DERA: variants seen among roughly 807,000 people sequenced by gnomAD.
The protein encoded by DERA is deoxyribose-phosphate aldolase, also known as 2-deoxy-D-ribose 5-phosphate aldolase.
A neutral mutation model predicts 41.1 loss-of-function variants in DERA; 15 were observed. The observed-to-expected ratio is 0.37, with a 90% CI of 0.24 to 0.56. The LOEUF is 0.56. DERA is among the 20% of genes least tolerant of loss of function. The pLI is 0.81. For missense variants in DERA, 396 were observed against 403.4 expected (o/e 0.98, Z 0.16); for synonymous variants, 139 against 137.4 (o/e 1.01, Z -0.08).
Position 15,911,600 on chromosome 12 carries a change from G to C in DERA, c.31+186G>C, listed in dbSNP as rs1291011414. 2 of 703,188 alleles carry C rather than the reference G, an allele frequency of 2.8e-6. No homozygotes were observed. The highest frequency in any genetic ancestry group is 5.1e-6 in the Non-Finnish European group (2 of 390,662). 43.6% of individuals were successfully genotyped at this position (703,188 alleles called of 1,614,324 possible). A position where few individuals can be genotyped will look rare whatever the true frequency, so the allele number is the denominator to read the frequency against. On this transcript the variant is annotated intron_variant, in intron 1 of 8. Transcript: ENST00000428559. The surrounding 1 kb of genome is among the most constrained non-coding windows in gnomAD (Gnocchi z 4.5). Reference sequence around the variant, plus strand: ...AGGCCGAACCCGGCACGTTCGCGCCGCTTGTCTTTGCACCTAAGCTTTTAC... The same window carrying C: ...AGGCCGAACCCGGCACGTTCGCGCCCCTTGTCTTTGCACCTAAGCTTTTAC...
rs1948424508 is a variant in DERA, at chr12:15,943,688, C to CTTTTTTA, written c.32-13240_32-13234dup. 1.4e-5 allele frequency among the ~76,000 whole-genome samples: 2 copies of CTTTTTTA among 147,078 alleles called. No individual in the cohort carries two copies. The highest frequency in any genetic ancestry group is 5.0e-5 in the African/African-American group (2 of 39,656). ...TGACATTTTCTATTTTCTGTTTCTT[C>CTTTTTTA]TTTTTTATTTTTTAATTTTTATTTA... On this transcript the variant is annotated intron_variant, in intron 1 of 8. Coordinates refer to ENST00000428559, the MANE Select transcript of DERA (RefSeq NM_015954.4). The surrounding 1 kb of genome is among the most constrained non-coding windows in gnomAD (Gnocchi z 4.5).
In DERA at chr12:15,982,061, C is replaced by T. The variant is rs1017449721; in HGVS notation, c.509-247C>T. ...GCATGTCATTATGATATTTAAAAAG[C>T]TCTATGTCTCTGGACCTCAGGCCAG... On this transcript the variant is annotated intron_variant, in intron 5 of 8. Coordinates refer to ENST00000428559, the MANE Select transcript of DERA (RefSeq NM_015954.4). The surrounding 1 kb of genome is among the most constrained non-coding windows in gnomAD (Gnocchi z 4.0). Among the ~76,000 whole-genome samples the T allele has an allele frequency of 1.3e-5, 2 of 152,156 alleles. No homozygotes were observed. The highest frequency in any genetic ancestry group is 1.3e-4 in the Admixed American group (2 of 15,266).
intron 4 of DERA, among the ~76,000 whole-genome samples, chr12:15,962,028 G>A (rs1948591803): frequency 6.6e-6 from 1 of 152,260 alleles, no homozygotes; most frequent in Non-Finnish European, 1.5e-5. Flanking sequence ...ACAGGCAAGA[G>A]CCACTGTGCC....
intron 1 of DERA, among the ~76,000 whole-genome samples, chr12:15,949,665 G>A (rs542181326): frequency 3.9e-5 from 6 of 152,130 alleles, no homozygotes; most frequent in Admixed American, 6.5e-5. Context: ...GTGATGCCTC[G>A]CCCTGCTTCG....
chr12:15,911,359 C>A lies in DERA; in HGVS notation c.-25C>A. On this transcript the variant is annotated 5_prime_UTR_variant, in exon 1 of 9. Coordinates refer to ENST00000428559, the MANE Select transcript of DERA (RefSeq NM_015954.4). This position sits in a 1 kb window ranked among gnomAD's most constrained non-coding sequence, Gnocchi z 4.5. ...GGCGCAGAGGCGGGCGCCTACCAGC[C>A]GGCAGCTCCGGAGCTGCCCGCGCCA... 1 of 1,422,534 alleles carries A rather than the reference C, an allele frequency of 7.0e-7. No individual in the cohort carries two copies. The highest frequency in any genetic ancestry group is 1.5e-5 in the South Asian group (1 of 66,998). 88.1% of individuals were successfully genotyped at this position (1,422,534 alleles called of 1,614,324 possible).
At chr12:15,978,880 A>G (rs535751911) in intron 5 of DERA, among the ~76,000 whole-genome samples, 5 of 152,312 alleles carry the variant, frequency 3.3e-5, no homozygotes, top group African/African-American at 9.6e-5. Context: ...AATGTGCTGG[A>G]TATTGTCCTT....
At position 16,012,199 on chromosome 12, in the gene DERA, C is replaced by A. The variant is rs930263036; in HGVS notation, c.638-20343C>A. Among the ~76,000 whole-genome samples, 1 of 151,996 alleles carries A rather than the reference C, an allele frequency of 6.6e-6. No individual in the cohort carries two copies. The highest frequency in any genetic ancestry group is 2.4e-5 in the African/African-American group (1 of 41,388). On this transcript the variant is annotated intron_variant, in intron 6 of 8. Transcript: ENST00000428559. This position sits in a 1 kb window ranked among gnomAD's most constrained non-coding sequence, Gnocchi z 4.1. ...GGAAAGAGAGGAGTTGAGTTGAGCACAGAGATGTGATACAAGTCCTACACA... is the reference window on the plus strand; with the variant it reads ...GGAAAGAGAGGAGTTGAGTTGAGCAAAGAGATGTGATACAAGTCCTACACA...
chr12:16,032,811 C>T, intron 7 of DERA, 157 bp downstream of exon 7: 1 of 594,188 alleles, frequency 1.7e-6, no homozygotes, highest in East Asian at 3.0e-5. Context: ...AAAGAACACA[C>T]TGATGGAGAA....
chr12:15,917,398 G>A (rs372683520), intron 1 of DERA, among the ~76,000 whole-genome samples: 7 of 152,156 alleles, frequency 4.6e-5, no homozygotes, highest in Admixed American at 4.6e-4. Context: ...TTAAGTTAAT[G>A]TGGGTTTTAT....
At position 15,982,347 on chromosome 12, in the gene DERA, G is replaced by A. The variant is rs770817573; in HGVS notation, c.548G>A (p.Gly183Glu). Residue 183 changes from glycine (G) to glutamate (E), a missense_variant, in exon 6 of 9, where the codon GGG becomes GAG. Gly to Glu is a moderately conservative substitution (Grantham distance 98). Transcript: ENST00000428559. This position sits in a 1 kb window ranked among gnomAD's most constrained non-coding sequence, Gnocchi z 4.0. ...ATTCGTCAGTTTCGCAAGGCCTGTGGGGAGGCTCATCTTAAAACTATATTA... is the reference window on the plus strand; with the variant it reads ...ATTCGTCAGTTTCGCAAGGCCTGTGAGGAGGCTCATCTTAAAACTATATTA... Reference protein sequence around the residue: ...DEIRQFRKACGEAHLKTILAT... With the variant: ...DEIRQFRKACEEAHLKTILAT... 1.9e-6 allele frequency: 3 copies of A among 1,613,750 alleles called. No individual in the cohort carries two copies. The highest frequency in any genetic ancestry group is 2.5e-6 in the Non-Finnish European group (3 of 1,179,824).
rs539364152 is a variant in DERA, at chr12:15,999,681, T to C, written c.637+17245T>C. ...TGAAGCTAGTAAATAGCTTGGAGTTTAAGGCCATGCTAAGGAATTGAAGTT... is the reference window on the plus strand; with the variant it reads ...TGAAGCTAGTAAATAGCTTGGAGTTCAAGGCCATGCTAAGGAATTGAAGTT... On this transcript the variant is annotated intron_variant, in intron 6 of 8. Coordinates refer to ENST00000428559, the MANE Select transcript of DERA (RefSeq NM_015954.4). The surrounding 1 kb of genome is among the most constrained non-coding windows in gnomAD (Gnocchi z 5.3). Among the ~76,000 whole-genome samples the C allele has an allele frequency of 2.0e-5, 3 of 152,282 alleles. No homozygotes were observed. The highest frequency in any genetic ancestry group is 3.9e-4 in the East Asian group (2 of 5,170).
intron 1 of DERA, among the ~76,000 whole-genome samples, chr12:15,932,184 G>T (rs1948333363): frequency 6.6e-6 from 1 of 152,168 alleles, no homozygotes. Flanking sequence ...ATTTATCCAA[G>T]ATGTTAATTT....
chr12:16,007,134 T>G (rs1011044568), intron 6 of DERA, among the ~76,000 whole-genome samples: 1 of 152,108 alleles, frequency 6.6e-6, no homozygotes, highest in Non-Finnish European at 1.5e-5. Flanking sequence ...AACTTAGTTA[T>G]GTTCATTATA....
chr12:15,980,632 A>G (rs1375530695), intron 5 of DERA, among the ~76,000 whole-genome samples: 2 of 152,116 alleles, frequency 1.3e-5, no homozygotes, highest in African/African-American at 4.8e-5. Flanking sequence ...CTCCCAGGTT[A>G]GGTAGATGGG....
In DERA at chr12:15,931,974, C is replaced by T. The variant is rs1380128491; in HGVS notation, c.31+20560C>T. On this transcript the variant is annotated intron_variant, in intron 1 of 8. Coordinates refer to ENST00000428559, the MANE Select transcript of DERA (RefSeq NM_015954.4). The surrounding 1 kb of genome is among the most constrained non-coding windows in gnomAD (Gnocchi z 4.6). ...GCCATGTTATGACTCAGCAGAAAAG[C>T]CCTTACCAAAAGCCAGCACCACACT... 1.3e-5 allele frequency among the ~76,000 whole-genome samples: 2 copies of T among 152,268 alleles called. No homozygotes were observed. The highest frequency in any genetic ancestry group is 1.9e-4 in the East Asian group (1 of 5,190).
chr12:15,926,899 C>T (rs901915623), intron 1 of DERA, among the ~76,000 whole-genome samples: 2 of 152,208 alleles, frequency 1.3e-5, no homozygotes, highest in African/African-American at 2.4e-5. Flanking sequence ...CGAATTAACT[C>T]TCCAGTGTGT....
chr12:15,926,890 G>T (rs551309491), intron 1 of DERA, among the ~76,000 whole-genome samples: 7 of 152,156 alleles, frequency 4.6e-5, no homozygotes, highest in African/African-American at 1.4e-4. Flanking sequence ...TATATGTAAC[G>T]AATTAACTCT....
chr12:15,980,534 A>G (rs774499489), intron 5 of DERA, among the ~76,000 whole-genome samples: 4 of 152,174 alleles, frequency 2.6e-5, no homozygotes, highest in Admixed American at 6.5e-5. Context: ...TTAAAAGAAT[A>G]TAATTTTTTT....
rs149816883 is a variant in DERA at position 16,019,705 on chromosome 12, T to TC, written c.638-12835dup. ...CTCTCCTTGAAGGTCTGTAACACAT[T>TC]CCATCTGTTCCATGAAGCCTTCCCG... is the stretch of plus-strand genomic sequence containing the variant. On this transcript the variant is annotated intron_variant, in intron 6 of 8. Transcript: ENST00000428559. The surrounding 1 kb of genome is among the most constrained non-coding windows in gnomAD (Gnocchi z 4.4). Among the ~76,000 whole-genome samples the TC allele has an allele frequency of 0.024, 3,716 of 152,292 alleles. 165 individuals are homozygous for TC. Among genetic ancestry groups the TC allele is most frequent in the African/African-American group, 0.085 (3,543 of 41,544 alleles).
Sources: allele counts gnomAD v4.1 joint callset (sites outside exome capture counted in the v4.1 genomes callset), GRCh38; gene constraint gnomAD v4.1.1; non-coding constraint Gnocchi (gnomAD v3.1); transcripts MANE v1.5; gene names NCBI Gene and HGNC (gene_info 2026-07-23, HGNC 2026-07-21).